NUP210: variants seen among roughly 807,000 people sequenced by gnomAD.
NUP210 encodes the protein nuclear pore membrane glycoprotein 210.
Under a neutral mutation model 196.0 loss-of-function variants are expected in NUP210, and 151 were observed. The observed-to-expected ratio is 0.77, with a 90% CI of 0.67 to 0.88. The LOEUF is 0.88. Ranked by LOEUF, NUP210 falls within the 40% of genes least tolerant of loss-of-function variation. NUP210 has a pLI of 0.00. For missense variants in NUP210, 2,314 were observed against 2,493.7 expected, an observed-to-expected ratio of 0.93 and a Z score of 1.53; for synonymous variants, 1,070 against 1,052.7, an observed-to-expected ratio of 1.02 and a Z score of -0.32.
At chr3:13,373,945 C>T (rs1698814100) in intron 11 of NUP210, 72 bp from the exon 12 acceptor site, 1 of 1,552,480 alleles carries the variant, frequency 6.4e-7, no homozygotes, top group Non-Finnish European at 8.8e-7. Context: ...GGGTCAGAGA[C>T]ACGTGCGTGT....
chr3:13,402,465 GGCCCAATAAATGCAAACAGA>G (rs1699872367), intron 1 of NUP210, among the ~76,000 whole-genome samples: 1 of 152,064 alleles, frequency 6.6e-6, no homozygotes, highest in South Asian at 2.1e-4. Flanking sequence ...CTCAGACACA[GGCCCAATAAATGCAAACAGA>G]GCTCTTCCTA....
chr3:13,415,750 A>C (rs535594938), intron 1 of NUP210, among the ~76,000 whole-genome samples: 17 of 152,132 alleles, frequency 1.1e-4, no homozygotes, highest in Non-Finnish European at 1.6e-4. Flanking sequence ...GCAAGTTTCC[A>C]GCATGTGACC....
At chr3:13,396,971 G>A (rs1332476366) in intron 3 of NUP210, among the ~76,000 whole-genome samples, 1 of 152,018 alleles carries the variant, frequency 6.6e-6, no homozygotes, top group Admixed American at 6.5e-5. Flanking sequence ...GCCAGAGCAG[G>A]GAGCCTCTCC....
intron 16 of NUP210, 149 bp downstream of exon 16, chr3:13,358,073 C>T (rs1045525445): frequency 6.2e-6 from 4 of 645,368 alleles, no homozygotes; most frequent in East Asian, 5.9e-5. Context: ...ATGAAACCAG[C>T]GTCCTCACAG....
chr3:13,366,549 A>C (rs1227541735), intron 13 of NUP210, among the ~76,000 whole-genome samples: 7 of 117,468 alleles, frequency 6.0e-5, no homozygotes, highest in Admixed American at 1.9e-4. Flanking sequence ...ATAGAGTCTC[A>C]CTCTGTCTCC....
rs1435235525 is a variant in NUP210, at chr3:13,347,364, G to C, written c.2836-4061C>G. ...CTGGTCATCTCATGGGTTCCGCCTA[G>C]AGGACTTGATTGAAATGTAAAGAAT... On this transcript the variant is annotated intron_variant, in intron 20 of 39. Coordinates refer to ENST00000254508, the MANE Select transcript of NUP210 (RefSeq NM_024923.4). The surrounding 1 kb of genome is among the most constrained non-coding windows in gnomAD (Gnocchi z 4.7). The C allele has an allele frequency of 3.1e-6, 3 of 982,016 alleles. No individual in the cohort carries two copies. The highest frequency in any genetic ancestry group is 3.6e-6 in the Non-Finnish European group (3 of 826,940). The allele number at this position is 982,016 out of a possible 1,614,324, so 60.8% of individuals were successfully genotyped here. A position where few individuals can be genotyped will look rare whatever the true frequency, so the allele number is the denominator to read the frequency against.
At position 13,342,033 on chromosome 3, in the gene NUP210, G is replaced by C. The variant is rs745898241; in HGVS notation, c.3055C>G (p.Leu1019Val). The change falls in exon 22 of 40, where the codon CTG becomes GTG. Residue 1019 changes from leucine (L) to valine (V), a missense_variant. Coordinates refer to ENST00000254508, the MANE Select transcript of NUP210 (RefSeq NM_024923.4). ...ATCGGGGAGGCTGCTCGGAGCTTCA[G>C]GTCCATAAAGGGGAAGTATTTGGCA... The part of the protein sequence containing the change: ...FLAKYFPFMD[L>V]KLRAASPIIT... 2 of 1,614,196 alleles carry C rather than the reference G, an allele frequency of 1.2e-6. No individual in the cohort carries two copies. Among genetic ancestry groups the C allele is most frequent in the Non-Finnish European group, 1.7e-6 (2 of 1,180,024 alleles).
At chr3:13,391,411 T>A (rs1699488420) in intron 3 of NUP210, 104 bp from the exon 4 acceptor site, 1 of 719,358 alleles carries the variant, frequency 1.4e-6, no homozygotes, top group Non-Finnish European at 2.5e-6. Flanking sequence ...ACACTCCACA[T>A]CACCACCCAC....
Position 13,365,933 on chromosome 3 carries a change from G to A in NUP210, c.1932+13C>T, listed in dbSNP as rs771899002. The A allele has an allele frequency of 1.2e-6, 2 of 1,613,916 alleles. No individual in the cohort carries two copies. Among genetic ancestry groups the A allele is most frequent in the South Asian group, 1.1e-5 (1 of 91,086 alleles). ...GGGCAGGGGGGTGGTAAAGGGCAGG[G>A]CCCCTGGCTCACCTTGAGGGGCAGG... On this transcript the variant is annotated intron_variant, in intron 14 of 39. Transcript: ENST00000254508.
Position 13,420,031 on chromosome 3 carries a change from C to T in NUP210, c.167+29G>A. On this transcript the variant is annotated intron_variant, in intron 1 of 39. Coordinates refer to ENST00000254508, the MANE Select transcript of NUP210 (RefSeq NM_024923.4). This position sits in a 1 kb window ranked among gnomAD's most constrained non-coding sequence, Gnocchi z 4.8. The stretch of plus-strand genomic sequence containing the variant: ...CGCGAAGGCCCAGCCCGGCCCACGG[C>T]GCCCGCCCGGCCCGGCCGCGCGCCT... 8.4e-7 allele frequency: 1 copy of T among 1,188,040 alleles called. No homozygotes were observed. The highest frequency in any genetic ancestry group is 1.1e-6 in the Non-Finnish European group (1 of 951,506). 73.6% of individuals were successfully genotyped at this position (1,188,040 alleles called of 1,614,324 possible).
At chr3:13,390,076 G>T (rs1414394701) in intron 4 of NUP210, among the ~76,000 whole-genome samples, 1 of 152,158 alleles carries the variant, frequency 6.6e-6, no homozygotes, top group African/African-American at 2.4e-5. Context: ...TACTGAAAAG[G>T]ATAAAGCTGG....
At chr3:13,381,750 C>T (rs199847449) in intron 6 of NUP210, among the ~76,000 whole-genome samples, 1 of 152,178 alleles carries the variant, frequency 6.6e-6, no homozygotes, top group East Asian at 1.9e-4. Flanking sequence ...GGGTGAACAG[C>T]TGCCCTTCTA....
In NUP210 at chr3:13,420,178, AC is replaced by A; in HGVS notation, c.48del (p.Leu17TrpfsTer70). ...RGLLLLTLSV[L>X]LAAGPSAAAA... is the part of the protein sequence containing the mutation. ...GCAGCGGCGGAGGGGCCCGCCGCCA[AC>A]AGCACCGACAGCGTCAGCAGCAGCA... On this transcript the variant is annotated frameshift_variant, in exon 1 of 40. Coordinates refer to ENST00000254508, the MANE Select transcript of NUP210 (RefSeq NM_024923.4). LOFTEE classifies it high-confidence loss of function. The surrounding 1 kb of genome is among the most constrained non-coding windows in gnomAD (Gnocchi z 4.8). 1.6e-6 allele frequency: 2 copies of A among 1,243,340 alleles called. No individual in the cohort carries two copies. The allele number at this position is 1,243,340 out of a possible 1,614,324, so 77.0% of individuals were successfully genotyped here.
At chr3:13,345,024 C>T (rs2124867160) in intron 20 of NUP210, 1 of 985,458 alleles carries the variant, frequency 1.0e-6, no homozygotes, top group African/African-American at 1.7e-5. Context: ...ACTTGGCCTT[C>T]CCCTCCAGGC....
rs748066020 is a variant in NUP210, at chr3:13,354,078, C to G, written c.2358G>C (p.Arg786=). 3.1e-6 allele frequency: 5 copies of G among 1,601,198 alleles called. No homozygotes were observed. Among genetic ancestry groups the G allele is most frequent in the Non-Finnish European group, 4.3e-6 (5 of 1,174,198 alleles). ...VVPVSSHRNP[R]LDLAAYDQEG... ...CCTGGTCGTAAGCAGCCAGGTCCAG[C>G]CGGGGGTTGCGGTGGCTGGACACTG... The change falls in exon 17 of 40, where the codon CGG becomes CGC. Residue 786 remains arginine, a synonymous_variant. Transcript: ENST00000254508.
chr3:13,398,200 G>A (rs931097660), intron 2 of NUP210, among the ~76,000 whole-genome samples: 4 of 152,210 alleles, frequency 2.6e-5, no homozygotes, highest in Non-Finnish European at 5.9e-5. Flanking sequence ...AGCACTTTGG[G>A]AAGCCAAGGC....
At chr3:13,368,541 C>T (rs1698619293) in intron 13 of NUP210, among the ~76,000 whole-genome samples, 1 of 152,202 alleles carries the variant, frequency 6.6e-6, no homozygotes, top group Non-Finnish European at 1.5e-5. Context: ...AACTCTTCAA[C>T]TTACAAAACT....
At chr3:13,337,524 G>A (rs1385727496) in intron 26 of NUP210, among the ~76,000 whole-genome samples, 2 of 152,212 alleles carry the variant, frequency 1.3e-5, no homozygotes, top group East Asian at 3.8e-4. Flanking sequence ...TCCCAGGGCT[G>A]CTATGAACAC....
At chr3:13,383,130 GC>G (rs1699156279) in intron 6 of NUP210, among the ~76,000 whole-genome samples, 3 of 152,126 alleles carry the variant, frequency 2.0e-5, no homozygotes, top group Non-Finnish European at 4.4e-5. Context: ...GGGTGACAAA[GC>G]AAGACTCTCT....
Sources: allele counts gnomAD v4.1 joint callset (sites outside exome capture counted in the v4.1 genomes callset), GRCh38; gene constraint gnomAD v4.1.1; non-coding constraint Gnocchi (gnomAD v3.1); transcripts MANE v1.5; gene names NCBI Gene and HGNC (gene_info 2026-07-23, HGNC 2026-07-21).